Variants in TSC1 observed in about 807,000 individuals in gnomAD.
TSC1 encodes TSC complex subunit 1, also known as hamartin.
In TSC1, 20 loss-of-function variants were observed where a neutral mutation model predicts 124.3. The ratio of observed to expected loss-of-function variants is 0.16; its 90% CI spans 0.11 to 0.23. The LOEUF (loss-of-function observed/expected upper bound fraction) is 0.23, where lower values mean the gene tolerates loss of function less well. TSC1 is among the 10% of genes least tolerant of loss of function. The pLI, the probability that TSC1 is intolerant of heterozygous loss-of-function variation, is 1.00. For missense variants in TSC1, 1,124 were observed against 1,448.5 expected (o/e 0.78, Z 3.64); for synonymous variants, 493 against 539.1 (o/e 0.91, Z 1.19).
At position 132,896,621 on chromosome 9, in the gene TSC1, C is replaced by T. The variant is rs952963572; in HGVS notation, c.3109G>A (p.Gly1037Ser). ...RGSSGSRGGGGSSSSSSELST... is the reference protein window; with the variant it reads ...RGSSGSRGGGSSSSSSSELST... The stretch of plus-strand genomic sequence containing the variant: ...AGCTCGCTGCTGCTGCTGCTGCTGC[C>T]TCCACCACCTCTGCTTCCACTACTG... Residue 1037 changes from glycine to serine, a missense_variant, in exon 23 of 23, where the codon GGC becomes AGC. Transcript: ENST00000298552. The surrounding 1 kb of genome is among the most constrained non-coding windows in gnomAD (Gnocchi z 4.5). 1 of 1,613,648 alleles carries T rather than the reference C, an allele frequency of 6.2e-7. No homozygotes were observed. Among genetic ancestry groups the T allele is most frequent in the East Asian group, 2.2e-5 (1 of 44,862 alleles).
Position 132,894,748 on chromosome 9 carries a change from G to A in TSC1, c.*1487C>T, listed in dbSNP as rs79277527. The A allele has an allele frequency of 0.018, 3,995 of 225,882 alleles. 166 individuals carry two copies. The highest frequency in any genetic ancestry group is 0.083 in the African/African-American group (3,701 of 44,570). 14.0% of individuals were successfully genotyped at this position (225,882 alleles called of 1,614,324 possible). A position where few individuals can be genotyped will look rare whatever the true frequency, so the allele number is the denominator to read the frequency against. On this transcript the variant is annotated 3_prime_UTR_variant, in exon 23 of 23. Transcript: ENST00000298552. ...ATTCTCTCTGCTCGAGGCCTCCGTG[G>A]GCACTAAGATTTCGTACCGTGACAG... is the stretch of plus-strand genomic sequence containing the variant.
chr9:132,933,199 G>C (rs552332950), intron 2 of TSC1, among the ~76,000 whole-genome samples: 2 of 152,292 alleles, frequency 1.3e-5, no homozygotes, highest in Non-Finnish European at 2.9e-5. Flanking sequence ...CCGAGTAGCT[G>C]AGATTATAGG....
intron 1 of TSC1, chr9:132,941,777 T>C (rs1378818264): frequency 6.6e-6 from 1 of 152,230 alleles, no homozygotes; most frequent in Non-Finnish European, 1.5e-5. Flanking sequence ...GCTTGGTTTT[T>C]ATAAAACCAT....
At chr9:132,926,525 C>G (rs948952917) in intron 4 of TSC1, 1 of 154,390 alleles carries the variant, frequency 6.5e-6, no homozygotes, top group African/African-American at 2.4e-5. Flanking sequence ...AAACAAGACT[C>G]ATTAATTTGT....
Position 132,896,100 on chromosome 9 carries a change from C to G in TSC1, c.*135G>C. 1 of 1,354,150 alleles carries G rather than the reference C, an allele frequency of 7.4e-7. No individual in the cohort carries two copies. The highest frequency in any genetic ancestry group is 1.0e-6 in the Non-Finnish European group (1 of 960,204). The allele number at this position is 1,354,150 out of a possible 1,614,324, so 83.9% of individuals were successfully genotyped here. The stretch of plus-strand genomic sequence containing the variant: ...AACCGTTCTGCATTCAGTCAGCTGT[C>G]CAAAGGACCTCCGTCCCATTTCCAC... On this transcript the variant is annotated 3_prime_UTR_variant, in exon 23 of 23. Coordinates refer to ENST00000298552, the MANE Select transcript of TSC1 (RefSeq NM_000368.5). The surrounding 1 kb of genome is among the most constrained non-coding windows in gnomAD (Gnocchi z 4.5).
chr9:132,897,912 G>A (rs1379510323), intron 20 of TSC1, among the ~76,000 whole-genome samples: 1 of 152,066 alleles, frequency 6.6e-6, no homozygotes, highest in Non-Finnish European at 1.5e-5. Context: ...TAATGTCAGG[G>A]GAACAGTTAA....
rs118203414 is a variant in TSC1, at chr9:132,921,867, A to G, written c.615T>C (p.Ser205=). The G allele has an allele frequency of 2.3e-4, 379 of 1,614,220 alleles. 4 individuals carry two copies. Among genetic ancestry groups the G allele is most frequent in the East Asian group, 2.0e-3 (91 of 44,892 alleles). Residue 205 remains serine (S), a synonymous_variant, in exon 7 of 23, where the codon TCT becomes TCC. Coordinates refer to ENST00000298552, the MANE Select transcript of TSC1 (RefSeq NM_000368.5). The surrounding 1 kb of genome is among the most constrained non-coding windows in gnomAD (Gnocchi z 4.3). The part of the protein sequence containing the change: ...YPCNFVSFLR[S]HYSMKENLET... ...CCAGGTTTTCTTTCATACTGTAATG[A>G]GAACGCAAAAAGGAGACGAAGTTGC...
rs952983810 is a variant in TSC1 at position 132,894,373 on chromosome 9, C to A, written c.*1862G>T. On this transcript the variant is annotated 3_prime_UTR_variant, in exon 23 of 23. Coordinates refer to ENST00000298552, the MANE Select transcript of TSC1 (RefSeq NM_000368.5). ...GTTTCAGGATTCACTGATGGGATTT[C>A]CTTCCCTTTCTAAGTTTGTTCACGT... The A allele has an allele frequency of 4.3e-6, 1 of 230,728 alleles. No homozygotes were observed. The highest frequency in any genetic ancestry group is 2.2e-5 in the African/African-American group (1 of 45,180). 14.3% of individuals were successfully genotyped at this position (230,728 alleles called of 1,614,324 possible). A position where few individuals can be genotyped will look rare whatever the true frequency, so the allele number is the denominator to read the frequency against.
Position 132,912,403 on chromosome 9 carries a change from C to G in TSC1, c.792G>C (p.Leu264=), listed in dbSNP as rs1257538409. ...CTTCATATGAGGCTTCTGTGGGATC[C>G]AGAGAGATTTTGGCACACTCGATCA... ...DVVIECAKIS[L]DPTEASYEDG... The change falls in exon 9 of 23, where the codon CTG becomes CTC. Residue 264 remains leucine (L), a synonymous_variant. Transcript: ENST00000298552. 6.2e-7 allele frequency: 1 copy of G among 1,614,138 alleles called. No homozygotes were observed. Among genetic ancestry groups the G allele is most frequent in the African/African-American group, 1.3e-5 (1 of 75,006 alleles).
intron 4 of TSC1, 143 bp from the exon 5 acceptor site, chr9:132,925,882 G>T: frequency 8.6e-7 from 1 of 1,163,978 alleles, no homozygotes. Flanking sequence ...TCAAATTCAA[G>T]ATTTTAAAAA....
At chr9:132,939,198 A>G (rs1847614087) in intron 1 of TSC1, 1 of 152,386 alleles carries the variant, frequency 6.6e-6, no homozygotes, top group Non-Finnish European at 1.5e-5. Flanking sequence ...TATTCTATCA[A>G]GTGAACCAAG....
intron 9 of TSC1, among the ~76,000 whole-genome samples, 191 bp downstream of exon 9, chr9:132,912,091 G>A (rs1845996191): frequency 6.6e-6 from 1 of 152,130 alleles, no homozygotes; most frequent in Non-Finnish European, 1.5e-5. Flanking sequence ...AGCAGACCAA[G>A]GACATCTAAA....
chr9:132,910,301 C>CAG, intron 12 of TSC1: 3 of 477,934 alleles, frequency 6.3e-6, no homozygotes, highest in Non-Finnish European at 7.2e-6. Flanking sequence ...ACCCTGTCTC[C>CAG]AAAAAAAAAA....
intron 15 of TSC1, 107 bp downstream of exon 15, chr9:132,905,474 C>T: frequency 6.6e-7 from 1 of 1,506,594 alleles, no homozygotes; most frequent in East Asian, 2.3e-5. Flanking sequence ...GAACCAGCTG[C>T]CTCAAGGTGG....
At chr9:132,929,598 G>C (rs1336060310) in intron 2 of TSC1, among the ~76,000 whole-genome samples, 1 of 152,182 alleles carries the variant, frequency 6.6e-6, no homozygotes, top group Non-Finnish European at 1.5e-5. Flanking sequence ...TGGTAGTAGA[G>C]CAGCTGCTTT....
intron 2 of TSC1, among the ~76,000 whole-genome samples, chr9:132,934,817 G>A (rs1006375466): frequency 1.3e-5 from 2 of 152,230 alleles, no homozygotes; most frequent in African/African-American, 4.8e-5. Context: ...TGGCTGTGAA[G>A]AAGAAAGTAA....
At chr9:132,931,488 C>T (rs1392834518) in intron 2 of TSC1, 1 of 152,226 alleles carries the variant, frequency 6.6e-6, no homozygotes, top group Non-Finnish European at 1.5e-5. Context: ...CAAAATCCTA[C>T]TGTCGGCCGC....
In TSC1 at chr9:132,906,005, T is replaced by G. The variant is rs1845647074; in HGVS notation, c.1573A>C (p.Ser525Arg). Residue 525 changes from serine (S) to arginine (R), a missense_variant, in exon 15 of 23, where the codon AGT becomes CGT. By Grantham distance (110) the Ser-to-Arg change is moderately radical. Coordinates refer to ENST00000298552, the MANE Select transcript of TSC1 (RefSeq NM_000368.5). This position sits in a 1 kb window ranked among gnomAD's most constrained non-coding sequence, Gnocchi z 4.1. Reference sequence around the variant, plus strand: ...GGGTTCACGCTGGCGCCCTGAGAACTGGAGGCTGCCGAGTGGGTCTTCCGC... The same window carrying G: ...GGGTTCACGCTGGCGCCCTGAGAACGGGAGGCTGCCGAGTGGGTCTTCCGC... ...SQRKTHSAASSSQGASVNPEP... is the reference protein window; with the variant it reads ...SQRKTHSAASRSQGASVNPEP... 1 of 1,614,024 alleles carries G rather than the reference T, an allele frequency of 6.2e-7. No individual in the cohort carries two copies. The highest frequency in any genetic ancestry group is 8.5e-7 in the Non-Finnish European group (1 of 1,180,006).
chr9:132,896,136 G>C lies in TSC1; in HGVS notation c.*99C>G, dbSNP rs1346633341. On this transcript the variant is annotated 3_prime_UTR_variant, in exon 23 of 23. Transcript: ENST00000298552. This position sits in a 1 kb window ranked among gnomAD's most constrained non-coding sequence, Gnocchi z 4.5. ...CCGTCCCATTTCCACACATGAACTT[G>C]CACTCAGACCCTGGAAACAGGAAAG... The C allele has an allele frequency of 3.2e-6, 5 of 1,554,456 alleles. No homozygotes were observed. The East Asian group carries it at 1.1e-4, about 35-fold the overall frequency.
Sources: gnomAD v4.1 joint callset for allele counts (sites outside exome capture counted in the v4.1 genomes callset) on GRCh38, gnomAD v4.1.1 for gene constraint, Gnocchi (gnomAD v3.1) non-coding constraint, MANE v1.5 for transcripts, NCBI Gene and HGNC (gene_info 2026-07-23, HGNC 2026-07-21) for gene names.